Variants in CLNK observed in about 807,000 individuals in gnomAD.
CLNK encodes the protein cytokine-dependent hematopoietic cell linker.
Under a neutral mutation model 68.6 loss-of-function variants are expected in CLNK, and 74 were observed. The observed-to-expected ratio is 1.08, with a 90% CI of 0.89 to 1.31. The LOEUF is 1.31. Ranked by LOEUF, CLNK falls within the 50% of genes most tolerant of loss-of-function variation. CLNK has a pLI of 0.00. For synonymous variants in CLNK, 198 were observed against 172.2 expected (o/e 1.15, Z -1.17); for missense variants, 553 against 515.3 (o/e 1.07, Z -0.71).
chr4:10,684,220 G>A (rs1044601636), intron 1 of CLNK, among the ~76,000 whole-genome samples: 6 of 152,256 alleles, frequency 3.9e-5, no homozygotes, highest in East Asian at 1.9e-4. Context: ...AAAGAAAATC[G>A]TATTACTTTA....
the CLNK span, among the ~76,000 whole-genome samples, chr4:10,699,178 TTC>T: frequency 8.9e-4 from 77 of 86,462 alleles, no homozygotes; most frequent in African/African-American, 2.7e-3. Context: ...TTACGTTTCT[TTC>T]TCTCTCTCTC....
At chr4:10,588,646 A>G (rs1253795136) in intron 3 of CLNK, among the ~76,000 whole-genome samples, 1 of 152,066 alleles carries the variant, frequency 6.6e-6, no homozygotes, top group East Asian at 1.9e-4. Context: ...GAATGTTCCT[A>G]TTTACTTTTT....
At chr4:10,723,244 T>A in the CLNK span, among the ~76,000 whole-genome samples, 1 of 152,306 alleles carries the variant, frequency 6.6e-6, no homozygotes, top group African/African-American at 2.4e-5. Flanking sequence ...GGTTTTCCCT[T>A]TGATTTAGTT....
chr4:10,729,441 A>G, the CLNK span, among the ~76,000 whole-genome samples: 1 of 152,218 alleles, frequency 6.6e-6, no homozygotes, highest in Admixed American at 6.5e-5. Context: ...ATAAATTGTT[A>G]TTTGAAAAAC....
At chr4:10,642,656 A>G (rs776998122) in intron 2 of CLNK, among the ~76,000 whole-genome samples, 3 of 152,160 alleles carry the variant, frequency 2.0e-5, no homozygotes, top group Admixed American at 6.5e-5. Flanking sequence ...CCTCATCTAT[A>G]TGCCAAAAAA....
chr4:10,613,220 G>A (rs1318116144), intron 2 of CLNK, among the ~76,000 whole-genome samples: 7 of 152,138 alleles, frequency 4.6e-5, no homozygotes, highest in African/African-American at 1.7e-4. Context: ...TGGAAGGACT[G>A]TAGAGCAGGT....
chr4:10,673,500 G>A (rs953195593), intron 1 of CLNK, among the ~76,000 whole-genome samples: 3 of 152,144 alleles, frequency 2.0e-5, no homozygotes, highest in African/African-American at 7.2e-5. Flanking sequence ...AAAAAAGGAT[G>A]AGTTCATGTC....
intron 4 of CLNK, among the ~76,000 whole-genome samples, chr4:10,583,528 G>A (rs1273367772): frequency 6.6e-6 from 1 of 151,964 alleles, no homozygotes; most frequent in Non-Finnish European, 1.5e-5. Context: ...CTTGTGATCC[G>A]CCTGCTTTGG....
chr4:10,529,311 AG>A (rs763334962), intron 12 of CLNK, among the ~76,000 whole-genome samples: 11 of 152,186 alleles, frequency 7.2e-5, no homozygotes, highest in Non-Finnish European at 1.3e-4. Flanking sequence ...AAGTAGTGTG[AG>A]GTCCATTAAA....
In CLNK at chr4:10,513,529, C is replaced by T. The variant is rs763460829; in HGVS notation, c.841G>A (p.Glu281Lys). The change falls in exon 16 of 19, where the codon GAA becomes AAA. Residue 281 changes from glutamate (E) to lysine (K), a missense_variant. Transcript: ENST00000226951. The part of the protein sequence containing the change: ...CQPPASCSPH[E>K]NILPYKYTSW... ...GTGTATTTATAGGGCAGTATATTTTCGTGAGGGCTGCAGCTGGCTGGAGGC... is the reference window on the plus strand; with the variant it reads ...GTGTATTTATAGGGCAGTATATTTTTGTGAGGGCTGCAGCTGGCTGGAGGC... The T allele has an allele frequency of 3.5e-5, 56 of 1,610,950 alleles. No individual in the cohort carries two copies. The highest frequency in any genetic ancestry group is 1.6e-4 in the Middle Eastern group (1 of 6,068).
intron 18 of CLNK, among the ~76,000 whole-genome samples, chr4:10,496,203 G>A: frequency 6.6e-6 from 1 of 152,180 alleles, no homozygotes; most frequent in Non-Finnish European, 1.5e-5. Flanking sequence ...TTGCAAGATA[G>A]CTACAAAACT....
chr4:10,573,811 G>T (rs899548798), intron 4 of CLNK, among the ~76,000 whole-genome samples: 14 of 152,166 alleles, frequency 9.2e-5, no homozygotes, highest in East Asian at 3.9e-4. Context: ...CCCCAAATAC[G>T]CTTCATGCCC....
intron 3 of CLNK, among the ~76,000 whole-genome samples, chr4:10,597,603 C>A (rs1159055536): frequency 6.6e-6 from 1 of 152,176 alleles, no homozygotes; most frequent in Admixed American, 6.5e-5. Context: ...TGTCTGCTTG[C>A]TGTGAGGCTC....
At chr4:10,642,581 C>T (rs896236025) in intron 2 of CLNK, among the ~76,000 whole-genome samples, 3 of 152,120 alleles carry the variant, frequency 2.0e-5, no homozygotes, top group Non-Finnish European at 2.9e-5. Context: ...GGTCATCTGT[C>T]TGTGCTAGTG....
intron 4 of CLNK, among the ~76,000 whole-genome samples, chr4:10,577,756 G>A (rs1464232652): frequency 1.3e-5 from 2 of 151,626 alleles, no homozygotes; most frequent in African/African-American, 4.9e-5. Context: ...GCCTTGGACT[G>A]CTTACCTTGG....
intron 15 of CLNK, among the ~76,000 whole-genome samples, chr4:10,516,104 G>C (rs1717824913): frequency 6.6e-6 from 1 of 151,960 alleles, no homozygotes; most frequent in African/African-American, 2.4e-5. Context: ...ATGGAGTGAA[G>C]TATAAGGAGG....
At chr4:10,611,936 CT>C (rs1722047021) in intron 2 of CLNK, among the ~76,000 whole-genome samples, 1 of 152,208 alleles carries the variant, frequency 6.6e-6, no homozygotes, top group Non-Finnish European at 1.5e-5. Context: ...ACAATCCACT[CT>C]CTCCCTACAG....
chr4:10,585,422 G>C (rs889446371), intron 3 of CLNK, among the ~76,000 whole-genome samples: 3 of 152,178 alleles, frequency 2.0e-5, no homozygotes, highest in Non-Finnish European at 4.4e-5. Context: ...CCAACTGTTC[G>C]AACTGTGTTC....
At chr4:10,682,703 C>T (rs1452250270) in intron 1 of CLNK, among the ~76,000 whole-genome samples, 2 of 152,142 alleles carry the variant, frequency 1.3e-5, no homozygotes, top group Non-Finnish European at 2.9e-5. Context: ...TGTTTCTTTC[C>T]ATTTCACCAT....
Sources: gnomAD v4.1 joint callset for allele counts (sites outside exome capture counted in the v4.1 genomes callset) on GRCh38, gnomAD v4.1.1 for gene constraint, MANE v1.5 for transcripts, NCBI Gene and HGNC (gene_info 2026-07-23, HGNC 2026-07-21) for gene names.